The following TMEM26 variants were observed in gnomAD, a reference collection of about 807,000 sequenced individuals.
The protein encoded by TMEM26 is transmembrane protein 26.
TMEM26 carries 38 observed loss-of-function variants against 28.8 expected under a neutral mutation model. The observed-to-expected ratio is 1.32, with a 90% CI of 1.02 to 1.73. TMEM26 has a LOEUF of 1.73. TMEM26 is among the 40% of genes most tolerant of loss of function. The pLI is 0.00. For missense variants in TMEM26, 518 were observed against 447.1 expected, an observed-to-expected ratio of 1.16 and a Z score of -1.43; for synonymous variants, 227 against 182.9, an observed-to-expected ratio of 1.24 and a Z score of -1.95.
chr10:61,446,933 G>C (rs1011982675), intron 1 of TMEM26, among the ~76,000 whole-genome samples: 1 of 147,590 alleles, frequency 6.8e-6, no homozygotes, highest in Non-Finnish European at 1.5e-5. Context: ...GAAAAACAGC[G>C]TCAAGACTTG....
intron 4 of TMEM26, among the ~76,000 whole-genome samples, chr10:61,426,835 C>T (rs1409081998): frequency 6.6e-6 from 1 of 151,980 alleles, no homozygotes; most frequent in African/African-American, 2.4e-5. Flanking sequence ...TTAAGGGTCT[C>T]CTTCTTTGAA....
At chr10:61,451,296 A>G (rs1051438384) in intron 1 of TMEM26, among the ~76,000 whole-genome samples, 2 of 152,192 alleles carry the variant, frequency 1.3e-5, no homozygotes, top group Admixed American at 6.5e-5. Context: ...GGAATGTTTG[A>G]CTTAATGCGA....
chr10:61,449,243 A>G lies in TMEM26; in HGVS notation c.191+3648T>C, dbSNP rs1193639719. ...ACCCTCTCTATTCTATAGGATTCCA[A>G]CAAATTAAATATTAGGTGAAAAAAA... On this transcript the variant is annotated intron_variant, in intron 1 of 5. Transcript: ENST00000399298. 2.0e-5 allele frequency among the ~76,000 whole-genome samples: 3 copies of G among 152,110 alleles called. No homozygotes were observed. The South Asian group carries it at 6.3e-4, about 32-fold the overall frequency.
At chr10:61,416,350 A>G (rs1017335974) in intron 4 of TMEM26, among the ~76,000 whole-genome samples, 4 of 152,240 alleles carry the variant, frequency 2.6e-5, no homozygotes, top group Admixed American at 6.6e-5. Context: ...CTAAAGAAAT[A>G]GGATGTGAGA....
At chr10:61,445,203 T>C (rs1430158770) in intron 1 of TMEM26, among the ~76,000 whole-genome samples, 1 of 152,194 alleles carries the variant, frequency 6.6e-6, no homozygotes, top group Non-Finnish European at 1.5e-5. Context: ...ACCATCATCA[T>C]TTTCATCACC....
chr10:61,432,268 C>T (rs1016654283), intron 2 of TMEM26, among the ~76,000 whole-genome samples: 2 of 152,088 alleles, frequency 1.3e-5, no homozygotes, highest in African/African-American at 2.4e-5. Context: ...CCCACCAAAA[C>T]ATACATTTTA....
At position 61,416,007 on chromosome 10, in the gene TMEM26, G is replaced by T. The variant is rs1260920521; in HGVS notation, c.606-2472C>A. On this transcript the variant is annotated intron_variant, in intron 4 of 5. Coordinates refer to ENST00000399298, the MANE Select transcript of TMEM26 (RefSeq NM_178505.8). ...CAAAGGATTTCAGTTGCACCTGTGA[G>T]AATTCAAATTTCATCACAATAGAGG... is the stretch of plus-strand genomic sequence containing the variant. The T allele has an allele frequency of 2.2e-5, 9 of 403,640 alleles. 1 individual carries two copies. Among genetic ancestry groups the T allele is most frequent in the Non-Finnish European group, 3.9e-5 (8 of 204,548 alleles). 25.0% of individuals were successfully genotyped at this position (403,640 alleles called of 1,614,324 possible). A position where few individuals can be genotyped will look rare whatever the true frequency, so the allele number is the denominator to read the frequency against.
At chr10:61,432,196 A>T (rs571398160) in intron 2 of TMEM26, among the ~76,000 whole-genome samples, 1 of 152,060 alleles carries the variant, frequency 6.6e-6, no homozygotes, top group African/African-American at 2.4e-5. Flanking sequence ...TAAGTAAATA[A>T]TCCAATCATT....
At position 61,431,291 on chromosome 10, in the gene TMEM26, G is replaced by A. The variant is rs750411585; in HGVS notation, c.312C>T (p.Ser104=). The change falls in exon 3 of 6, where the codon AGC becomes AGT. Residue 104 remains serine, a synonymous_variant. Coordinates refer to ENST00000399298, the MANE Select transcript of TMEM26 (RefSeq NM_178505.8). ...IQAEGTSQNT[S]RKEDFNQTLT... ...ATGTTTGATTGAAGTCTTCTTTTCT[G>A]CTGGTATTCTGTGATGTTCCTTCAG... 3.7e-6 allele frequency: 6 copies of A among 1,612,986 alleles called. No individual in the cohort carries two copies. The highest frequency in any genetic ancestry group is 2.7e-5 in the African/African-American group (2 of 74,838).
At chr10:61,420,959 A>G (rs186889359) in intron 4 of TMEM26, among the ~76,000 whole-genome samples, 75 of 152,180 alleles carry the variant, frequency 4.9e-4, no homozygotes, top group Admixed American at 2.2e-3. Context: ...TAGAACAACA[A>G]TTATAACACT....
At chr10:61,416,143 G>A in intron 4 of TMEM26, 1 of 443,068 alleles carries the variant, frequency 2.3e-6, no homozygotes, top group Non-Finnish European at 4.5e-6. Context: ...AAGTTGTTGA[G>A]GATATTTTCA....
At chr10:61,434,322 T>A (rs1839968779) in intron 2 of TMEM26, among the ~76,000 whole-genome samples, 1 of 152,210 alleles carries the variant, frequency 6.6e-6, no homozygotes, top group Non-Finnish European at 1.5e-5. Context: ...AAAAATCTTT[T>A]TTTATTAAAA....
In TMEM26 at chr10:61,407,789, G is replaced by A. The variant is rs1454916604; in HGVS notation, c.*2533C>T. 6.6e-6 allele frequency: 1 copy of A among 152,098 alleles called. No homozygotes were observed. Among genetic ancestry groups the A allele is most frequent in the African/African-American group, 2.4e-5 (1 of 41,422 alleles). The allele number at this position is 152,098 out of a possible 1,614,324, so 9.4% of individuals were successfully genotyped here. A position where few individuals can be genotyped will look rare whatever the true frequency, so the allele number is the denominator to read the frequency against. On this transcript the variant is annotated 3_prime_UTR_variant, in exon 6 of 6. Coordinates refer to ENST00000399298, the MANE Select transcript of TMEM26 (RefSeq NM_178505.8). ...GTGACCTACTGTGTGTTGGGGGGAGGGGTTATGATAGAGAGGATGACTTGC... is the reference window on the plus strand; with the variant it reads ...GTGACCTACTGTGTGTTGGGGGGAGAGGTTATGATAGAGAGGATGACTTGC...
chr10:61,425,717 G>T (rs913666480), intron 4 of TMEM26, among the ~76,000 whole-genome samples: 2 of 152,126 alleles, frequency 1.3e-5, no homozygotes, highest in Non-Finnish European at 2.9e-5. Flanking sequence ...TTAAAGAGCT[G>T]CAAATTAATG....
At chr10:61,420,998 T>C (rs1199761213) in intron 4 of TMEM26, among the ~76,000 whole-genome samples, 1 of 151,838 alleles carries the variant, frequency 6.6e-6, no homozygotes, top group Non-Finnish European at 1.5e-5. Context: ...CATACAAAGA[T>C]ATAATATATG....
intron 4 of TMEM26, chr10:61,414,967 C>T (rs1207365674): frequency 5.1e-6 from 5 of 984,242 alleles, no homozygotes; most frequent in Admixed American, 6.2e-5. Flanking sequence ...GTGTAAATGG[C>T]TCCCCACAGG....
chr10:61,413,173 C>T (rs1169021781), intron 5 of TMEM26, among the ~76,000 whole-genome samples: 4 of 152,052 alleles, frequency 2.6e-5, no homozygotes, highest in African/African-American at 4.8e-5. Flanking sequence ...AGATGTATTA[C>T]CTGGTTTGCA....
chr10:61,414,898 T>A, intron 4 of TMEM26: 1 of 790,506 alleles, frequency 1.3e-6, no homozygotes. Flanking sequence ...TCTCCCATAG[T>A]GTCCTCATTA....
intron 5 of TMEM26, among the ~76,000 whole-genome samples, chr10:61,411,090 A>C (rs1016402678): frequency 6.6e-6 from 1 of 152,236 alleles, no homozygotes; most frequent in Admixed American, 6.5e-5. Context: ...GGAATAAAAA[A>C]TAAAGGAAGC....
Sources: allele counts gnomAD v4.1 joint callset (sites outside exome capture counted in the v4.1 genomes callset), GRCh38; gene constraint gnomAD v4.1.1; transcripts MANE v1.5; gene names NCBI Gene and HGNC (gene_info 2026-07-23, HGNC 2026-07-21).